The following CLIC5 variants were observed in gnomAD, a reference collection of about 807,000 sequenced individuals.
CLIC5 encodes chloride intracellular channel protein 5.
In CLIC5, 20 loss-of-function variants were observed where a neutral mutation model predicts 24.7. The observed-to-expected ratio is 0.81, with a 90% CI of 0.57 to 1.18. The LOEUF is 1.18. CLIC5 is among the 50% of genes most tolerant of loss of function. The pLI is 0.00. For missense variants in CLIC5, 341 were observed against 326.1 expected, an observed-to-expected ratio of 1.05 and a Z score of -0.35; for synonymous variants, 159 against 135.6, an observed-to-expected ratio of 1.17 and a Z score of -1.20.
upstream of CLIC5, among the ~76,000 whole-genome samples, chr6:46,085,007 A>T (rs1477814784): frequency 6.6e-6 from 1 of 151,354 alleles, no homozygotes; most frequent in Non-Finnish European, 1.5e-5. Flanking sequence ...TTCCCTTCTC[A>T]CTTCATTTCA....
the CLIC5 span, among the ~76,000 whole-genome samples, chr6:46,097,634 T>G: frequency 6.6e-6 from 1 of 152,188 alleles, no homozygotes; most frequent in African/African-American, 2.4e-5. Flanking sequence ...CTAGAGTAGC[T>G]AAGAGTATGA....
intron 4 of CLIC5, chr6:45,937,488 T>C (rs1581764718): frequency 6.6e-6 from 1 of 152,290 alleles, no homozygotes; most frequent in East Asian, 1.9e-4. Context: ...GCCTCTTGGG[T>C]AAAGTTGTGC....
chr6:45,941,778 C>T, intron 3 of CLIC5, 125 bp from the exon 4 acceptor site: 1 of 769,956 alleles, frequency 1.3e-6, no homozygotes, highest in South Asian at 1.5e-5. Flanking sequence ...TTTTGGGGGT[C>T]TTTATCCTCA....
At chr6:45,976,453 G>C (rs1442777387) in intron 1 of CLIC5, among the ~76,000 whole-genome samples, 1 of 152,092 alleles carries the variant, frequency 6.6e-6, no homozygotes, top group Non-Finnish European at 1.5e-5. Flanking sequence ...TGGAAAACTG[G>C]GATGAGTTGG....
At chr6:46,073,828 G>A (rs760470415) in intron 1 of CLIC5, among the ~76,000 whole-genome samples, 1 of 152,202 alleles carries the variant, frequency 6.6e-6, no homozygotes, top group Non-Finnish European at 1.5e-5. Flanking sequence ...TGCCTGGGAC[G>A]TCCTTTGAGC....
At chr6:45,929,248 A>T (rs537134188) in intron 4 of CLIC5, among the ~76,000 whole-genome samples, 3 of 152,304 alleles carry the variant, frequency 2.0e-5, no homozygotes, top group African/African-American at 7.2e-5. Flanking sequence ...CATCCACCTC[A>T]ATAATGAACC....
In CLIC5 at chr6:45,994,302, A is replaced by G. The variant is rs142333133; in HGVS notation, c.63+21178T>C. On this transcript the variant is annotated intron_variant, in intron 1 of 5. Transcript: ENST00000339561. ...TGGTACATATACACCATGGAATACT[A>G]TGCAGTCATAAAAATGAATGAGATC... Among the ~76,000 whole-genome samples, 3 of 152,340 alleles carry G rather than the reference A, an allele frequency of 2.0e-5. No homozygotes were observed. In the East Asian group the frequency reaches 5.8e-4, roughly 29 times the overall value.
intron 1 of CLIC5, among the ~76,000 whole-genome samples, chr6:46,038,217 G>A (rs1258380031): frequency 6.6e-6 from 1 of 152,154 alleles, no homozygotes; most frequent in Non-Finnish European, 1.5e-5. Context: ...AGCACAGATA[G>A]ATGTTTTGTC....
intron 1 of CLIC5, among the ~76,000 whole-genome samples, chr6:45,969,996 G>A (rs1165184027): frequency 6.6e-6 from 1 of 152,028 alleles, no homozygotes; most frequent in Admixed American, 6.6e-5. Context: ...TAAAATGGGG[G>A]CGCAGTGCCT....
intron 3 of CLIC5, among the ~76,000 whole-genome samples, chr6:45,946,619 C>T (rs1375581994): frequency 6.6e-6 from 1 of 152,194 alleles, no homozygotes; most frequent in Non-Finnish European, 1.5e-5. Context: ...CTCCAGAGGC[C>T]TGACAACCTC....
At chr6:46,087,236 T>C in the CLIC5 span, among the ~76,000 whole-genome samples, 1 of 152,136 alleles carries the variant, frequency 6.6e-6, no homozygotes, top group South Asian at 2.1e-4. Context: ...ATCTATGTTG[T>C]TTTATTACTT....
the CLIC5 span, chr6:46,096,964 G>A: frequency 4.6e-5 from 7 of 152,270 alleles, no homozygotes; most frequent in East Asian, 1.3e-3. Flanking sequence ...GAACTTCCTA[G>A]GGGGATGGGA....
At chr6:45,884,509 C>T (rs1238845866) in intron 6 of CLIC5, among the ~76,000 whole-genome samples, 3 of 152,158 alleles carry the variant, frequency 2.0e-5, no homozygotes, top group Admixed American at 6.5e-5. Context: ...CCTGGGCAGC[C>T]CCCGCAGCCT....
At chr6:46,082,399 T>A (rs999753761), upstream of CLIC5, among the ~76,000 whole-genome samples, 1 of 152,216 alleles carries the variant, frequency 6.6e-6, no homozygotes, top group African/African-American at 2.4e-5. Context: ...AAAATGTAAG[T>A]CAGGTCATAT....
chr6:45,983,164 G>T (rs1330864375), intron 1 of CLIC5, among the ~76,000 whole-genome samples: 2 of 152,310 alleles, frequency 1.3e-5, no homozygotes, highest in East Asian at 3.9e-4. Context: ...TCAGACCTCT[G>T]CCCAGGGACT....
intron 5 of CLIC5, among the ~76,000 whole-genome samples, chr6:45,910,557 C>A (rs1237172951): frequency 6.6e-6 from 1 of 152,198 alleles, no homozygotes; most frequent in Non-Finnish European, 1.5e-5. Context: ...TAACCAATAT[C>A]TATTGAGTTA....
chr6:46,123,738 C>T, the CLIC5 span, among the ~76,000 whole-genome samples: 1 of 152,138 alleles, frequency 6.6e-6, no homozygotes, highest in Admixed American at 6.5e-5. Flanking sequence ...AGCAAAGTCT[C>T]AGGATACAAA....
chr6:45,912,169 G>A, intron 5 of CLIC5: 5 of 986,410 alleles, frequency 5.1e-6, no homozygotes, highest in Non-Finnish European at 6.0e-6. Flanking sequence ...CCAAACTGGA[G>A]GCCTGACTTG....
chr6:45,924,061 G>A (rs1382550267), intron 4 of CLIC5, among the ~76,000 whole-genome samples: 3 of 152,158 alleles, frequency 2.0e-5, no homozygotes, highest in African/African-American at 7.2e-5. Flanking sequence ...TATGTGCAAC[G>A]CATGATGATG....
Sources: allele counts gnomAD v4.1 joint callset (sites outside exome capture counted in the v4.1 genomes callset), GRCh38; gene constraint gnomAD v4.1.1; transcripts MANE v1.5; gene names NCBI Gene and HGNC (gene_info 2026-07-23, HGNC 2026-07-21).